TMOD3: variants seen among roughly 807,000 people sequenced by gnomAD.
TMOD3 encodes the protein tropomodulin 3, also known as tropomodulin-3.
TMOD3 carries 20 observed loss-of-function variants against 39.2 expected under a neutral mutation model. That is an observed-to-expected ratio of 0.51 (90% CI 0.36 to 0.74). TMOD3 has a LOEUF of 0.74. Ranked by LOEUF, TMOD3 falls within the 30% of genes least tolerant of loss-of-function variation. The probability of loss-of-function intolerance (pLI) is 0.00; values close to 1 mark genes in which losing one functional copy is unlikely to be tolerated. For synonymous variants in TMOD3, 143 were observed against 145.8 expected, an observed-to-expected ratio of 0.98 and a Z score of 0.14; for missense variants, 381 against 412.8, an observed-to-expected ratio of 0.92 and a Z score of 0.67.
intron 3 of TMOD3, among the ~76,000 whole-genome samples, chr15:51,872,311 T>G (rs2056478934): frequency 1.3e-5 from 2 of 151,942 alleles, no homozygotes; most frequent in Admixed American, 1.3e-4. Flanking sequence ...GGGAATCCCT[T>G]GAACTCAGGA....
chr15:51,894,485 G>A (rs1397297331), intron 6 of TMOD3, among the ~76,000 whole-genome samples: 1 of 152,158 alleles, frequency 6.6e-6, no homozygotes, highest in Non-Finnish European at 1.5e-5. Context: ...ATTTTGACAG[G>A]TGCATACAAT....
intron 1 of TMOD3, among the ~76,000 whole-genome samples, chr15:51,831,176 C>G (rs1041032103): frequency 6.6e-6 from 1 of 152,216 alleles, no homozygotes; most frequent in Non-Finnish European, 1.5e-5. Flanking sequence ...AACATGAGTT[C>G]TTGAGAATGC....
At chr15:51,851,379 G>A (rs1423938950) in intron 1 of TMOD3, among the ~76,000 whole-genome samples, 2 of 152,138 alleles carry the variant, frequency 1.3e-5, no homozygotes, top group African/African-American at 4.8e-5. Flanking sequence ...TCACTTTTTA[G>A]ACTCAATCTT....
chr15:51,886,560 G>T (rs1347781583), intron 3 of TMOD3, among the ~76,000 whole-genome samples: 1 of 152,238 alleles, frequency 6.6e-6, no homozygotes, highest in Non-Finnish European at 1.5e-5. Context: ...CAGGCACTGG[G>T]CAGGCTGAGG....
chr15:51,892,604 ATTCC>A (rs1279458805), intron 5 of TMOD3: 1 of 151,942 alleles, frequency 6.6e-6, no homozygotes, highest in African/African-American at 2.4e-5. Context: ...CCTCTTTCCT[ATTCC>A]TTCTTTCTCG....
intron 1 of TMOD3, among the ~76,000 whole-genome samples, chr15:51,837,761 C>T (rs969656077): frequency 1.3e-5 from 2 of 152,170 alleles, no homozygotes; most frequent in East Asian, 1.9e-4. Flanking sequence ...CTTGTCAAGT[C>T]ATCTCACTTC....
chr15:51,885,876 C>A (rs934054596), intron 3 of TMOD3, among the ~76,000 whole-genome samples: 2 of 149,028 alleles, frequency 1.3e-5, no homozygotes, highest in African/African-American at 5.1e-5. Flanking sequence ...CGGGCAGAGG[C>A]GCCCCCCACC....
intron 6 of TMOD3, among the ~76,000 whole-genome samples, 190 bp downstream of exon 6, chr15:51,894,135 G>T (rs549404472): frequency 2.6e-5 from 4 of 152,238 alleles, no homozygotes; most frequent in Admixed American, 6.5e-5. Context: ...TTTCTAACTT[G>T]CTTTTTGAAG....
intron 6 of TMOD3, 34 bp downstream of exon 6, chr15:51,893,979 T>C: frequency 2.7e-6 from 4 of 1,504,824 alleles, no homozygotes; most frequent in Non-Finnish European, 3.6e-6. Context: ...TTTGTATTGC[T>C]TTGAGTTAGT....
chr15:51,863,177 C>T (rs990439028), intron 2 of TMOD3, among the ~76,000 whole-genome samples, 167 bp downstream of exon 2: 1 of 152,218 alleles, frequency 6.6e-6, no homozygotes, highest in East Asian at 1.9e-4. Flanking sequence ...CCACTTCTGC[C>T]TCCATATGTT....
chr15:51,853,319 G>A (rs939120896), intron 1 of TMOD3, among the ~76,000 whole-genome samples: 5 of 151,980 alleles, frequency 3.3e-5, no homozygotes, highest in African/African-American at 1.2e-4. Context: ...CTCCCACCTC[G>A]GCCTCCTACT....
In TMOD3 at chr15:51,842,283, C is replaced by G. The variant is rs2056316091; in HGVS notation, c.-75+12447C>G. ...TACTTTACTGGACTGCATGCTGCTT[C>G]TCCATAGGCGAATACCCTAGCTCAT... On this transcript the variant is annotated intron_variant, in intron 1 of 9. Coordinates refer to ENST00000308580, the MANE Select transcript of TMOD3 (RefSeq NM_014547.5). Among the ~76,000 whole-genome samples the G allele has an allele frequency of 3.3e-5, 5 of 152,296 alleles. 1 individual carries two copies. The South Asian group carries it at 1.0e-3, about 32-fold the overall frequency.
rs1380515953 is a variant in TMOD3 at position 51,885,973 on chromosome 15, C to T, written c.284-1616C>T. Among the ~76,000 whole-genome samples the T allele has an allele frequency of 2.6e-5, 4 of 151,186 alleles. No homozygotes were observed. In the East Asian group the frequency reaches 5.9e-4, roughly 22 times the overall value. Reference sequence around the variant, plus strand: ...TGGCCGGGCAGGGGCTGCCCCCTACCTCCCTCCCGGACGGGGCGGCTGGCC... The same window carrying T: ...TGGCCGGGCAGGGGCTGCCCCCTACTTCCCTCCCGGACGGGGCGGCTGGCC... On this transcript the variant is annotated intron_variant, in intron 3 of 9. Transcript: ENST00000308580.
At chr15:51,893,172 G>T (rs1427983096) in intron 5 of TMOD3, among the ~76,000 whole-genome samples, 1 of 151,498 alleles carries the variant, frequency 6.6e-6, no homozygotes, top group Non-Finnish European at 1.5e-5. Context: ...ACACACGCCT[G>T]TATTCCCAGC....
intron 1 of TMOD3, among the ~76,000 whole-genome samples, chr15:51,845,317 G>A (rs1192752826): frequency 6.6e-6 from 1 of 152,198 alleles, no homozygotes; most frequent in African/African-American, 2.4e-5. Context: ...AGAGCCACCT[G>A]TCAGAACCAG....
chr15:51,899,311 G>A (rs1012944017), intron 7 of TMOD3, among the ~76,000 whole-genome samples: 1 of 152,198 alleles, frequency 6.6e-6, no homozygotes, highest in Admixed American at 6.5e-5. Context: ...AGTAGAGAAT[G>A]TCACCAACGG....
chr15:51,898,542 A>G (rs983733273), intron 7 of TMOD3, among the ~76,000 whole-genome samples: 12 of 152,240 alleles, frequency 7.9e-5, no homozygotes, highest in African/African-American at 2.9e-4. Context: ...TCTCTAGGAC[A>G]GTGCTAATCA....
intron 1 of TMOD3, chr15:51,861,282 A>C (rs1595896056): frequency 2.6e-6 from 1 of 381,754 alleles, no homozygotes; most frequent in East Asian, 5.9e-5. Flanking sequence ...TTCCTGAATT[A>C]TCTCTGCCAT....
intron 1 of TMOD3, among the ~76,000 whole-genome samples, chr15:51,858,914 A>G (rs2056401999): frequency 1.3e-5 from 2 of 152,172 alleles, no homozygotes; most frequent in Admixed American, 6.5e-5. Flanking sequence ...TCCTGCGCCT[A>G]TAATCCCAGC....
Sources: allele counts gnomAD v4.1 joint callset (sites outside exome capture counted in the v4.1 genomes callset), GRCh38; gene constraint gnomAD v4.1.1; transcripts MANE v1.5; gene names NCBI Gene and HGNC (gene_info 2026-07-23, HGNC 2026-07-21).